Variants in CNTNAP5 observed in about 807,000 individuals in gnomAD.
CNTNAP5 encodes the protein contactin-associated protein-like 5.
Under a neutral mutation model 150.2 loss-of-function variants are expected in CNTNAP5, and 72 were observed. The ratio of observed to expected loss-of-function variants is 0.48; its 90% CI spans 0.40 to 0.58. The LOEUF is 0.58. Ranked by LOEUF, CNTNAP5 falls within the 20% of genes least tolerant of loss-of-function variation. The probability of loss-of-function intolerance (pLI) is 0.00; values close to 1 mark genes in which losing one functional copy is unlikely to be tolerated. For missense variants in CNTNAP5, 1,636 were observed against 1,626.2 expected, an observed-to-expected ratio of 1.01 and a Z score of -0.10; for synonymous variants, 672 against 619.8, an observed-to-expected ratio of 1.08 and a Z score of -1.25.
chr2:124,217,772 T>A (rs1486277290), intron 1 of CNTNAP5, among the ~76,000 whole-genome samples: 1 of 152,216 alleles, frequency 6.6e-6, no homozygotes, highest in Non-Finnish European at 1.5e-5. Flanking sequence ...ATTCATATAC[T>A]GCTTCCTATT....
intron 3 of CNTNAP5, among the ~76,000 whole-genome samples, chr2:124,320,684 A>C (rs780459300): frequency 6.6e-6 from 1 of 152,230 alleles, no homozygotes; most frequent in Non-Finnish European, 1.5e-5. Flanking sequence ...AAGGAAAAAA[A>C]AAATACTTTC....
At chr2:124,638,354 T>C (rs1347801131) in intron 12 of CNTNAP5, among the ~76,000 whole-genome samples, 3 of 152,068 alleles carry the variant, frequency 2.0e-5, no homozygotes, top group Non-Finnish European at 4.4e-5. Flanking sequence ...ATCACATCAA[T>C]AACAATGTAA....
At chr2:124,592,697 T>G (rs1019947389) in intron 11 of CNTNAP5, among the ~76,000 whole-genome samples, 1 of 151,918 alleles carries the variant, frequency 6.6e-6, no homozygotes, top group Non-Finnish European at 1.5e-5. Context: ...CATTAGCACT[T>G]ATTTTTCTAT....
intron 3 of CNTNAP5, among the ~76,000 whole-genome samples, chr2:124,393,676 C>A (rs912659011): frequency 2.6e-5 from 4 of 152,124 alleles, no homozygotes; most frequent in African/African-American, 9.7e-5. Flanking sequence ...TCCTGCACCC[C>A]AAAACCATGG....
chr2:124,116,230 G>T (rs2104711103), intron 1 of CNTNAP5, among the ~76,000 whole-genome samples: 1 of 152,280 alleles, frequency 6.6e-6, no homozygotes, highest in Admixed American at 6.5e-5. Context: ...CTCCCACTTA[G>T]TACAGAGATA....
chr2:124,915,101 A>T lies in CNTNAP5; in HGVS notation c.*813A>T, dbSNP rs1172685710. The T allele has an allele frequency of 1.2e-5, 2 of 163,964 alleles. No homozygotes were observed. Among genetic ancestry groups the T allele is most frequent in the East Asian group, 2.0e-4 (1 of 5,116 alleles). 10.2% of individuals were successfully genotyped at this position (163,964 alleles called of 1,614,324 possible). On this transcript the variant is annotated 3_prime_UTR_variant, in exon 24 of 24. Transcript: ENST00000682447. ...CCTCCTCCAATTTTGTAAGAATGCT[A>T]GCTAGGTATTCCTGGGATTATTATA...
At chr2:124,820,274 A>T (rs543212515) in intron 19 of CNTNAP5, among the ~76,000 whole-genome samples, 1 of 152,276 alleles carries the variant, frequency 6.6e-6, no homozygotes, top group East Asian at 1.9e-4. Context: ...TCATCATAAT[A>T]ATTGGGGATT....
chr2:124,821,924 A>T (rs1248876356), intron 19 of CNTNAP5, among the ~76,000 whole-genome samples: 1 of 152,186 alleles, frequency 6.6e-6, no homozygotes, highest in Non-Finnish European at 1.5e-5. Flanking sequence ...AGACTGCAAC[A>T]CCATGGTGAG....
At chr2:124,464,710 T>C (rs1010927759) in intron 6 of CNTNAP5, among the ~76,000 whole-genome samples, 2 of 152,174 alleles carry the variant, frequency 1.3e-5, no homozygotes, top group African/African-American at 4.8e-5. Context: ...TTTTTAAAAA[T>C]CAGGAGATTT....
At chr2:124,346,535 C>A (rs1022221278) in intron 3 of CNTNAP5, among the ~76,000 whole-genome samples, 2 of 152,016 alleles carry the variant, frequency 1.3e-5, no homozygotes, top group African/African-American at 4.8e-5. Flanking sequence ...TAATTCATAA[C>A]GTGTTAGAAT....
At chr2:124,126,943 A>C (rs1228503240) in intron 1 of CNTNAP5, among the ~76,000 whole-genome samples, 1 of 152,216 alleles carries the variant, frequency 6.6e-6, no homozygotes, top group East Asian at 1.9e-4. Flanking sequence ...ACAAACCCAC[A>C]GCCAATATCA....
chr2:124,205,818 T>C (rs574647318), intron 1 of CNTNAP5, among the ~76,000 whole-genome samples: 1 of 152,350 alleles, frequency 6.6e-6, no homozygotes, highest in Admixed American at 6.5e-5. Flanking sequence ...GCCTCCTTTT[T>C]TTCTCAGCCT....
intron 19 of CNTNAP5, among the ~76,000 whole-genome samples, chr2:124,819,873 T>A (rs1372168508): frequency 6.6e-6 from 1 of 152,234 alleles, no homozygotes; most frequent in Non-Finnish European, 1.5e-5. Flanking sequence ...ACTGTGTGTC[T>A]CTTTCTTAAA....
intron 7 of CNTNAP5, among the ~76,000 whole-genome samples, chr2:124,488,626 AT>A (rs1693946980): frequency 6.6e-6 from 1 of 152,248 alleles, no homozygotes; most frequent in African/African-American, 2.4e-5. Flanking sequence ...AAGTGAATGC[AT>A]TTTTAATAAG....
At chr2:124,756,820 G>T (rs1439510850) in intron 14 of CNTNAP5, among the ~76,000 whole-genome samples, 1 of 152,058 alleles carries the variant, frequency 6.6e-6, no homozygotes. Context: ...ACTGGATGCT[G>T]GGCTTAAAAA....
intron 10 of CNTNAP5, among the ~76,000 whole-genome samples, chr2:124,560,640 G>A (rs1046184014): frequency 2.6e-5 from 4 of 151,834 alleles, no homozygotes; most frequent in African/African-American, 4.8e-5. Context: ...ATCCCAGCTC[G>A]GACTATCCTA....
intron 6 of CNTNAP5, among the ~76,000 whole-genome samples, chr2:124,453,573 C>G (rs1693041600): frequency 1.3e-5 from 2 of 152,170 alleles, no homozygotes; most frequent in African/African-American, 4.8e-5. Context: ...TGCCTAGACA[C>G]ATTGTCAGCA....
intron 1 of CNTNAP5, among the ~76,000 whole-genome samples, chr2:124,161,454 A>C (rs1037014498): frequency 6.6e-6 from 1 of 152,180 alleles, no homozygotes; most frequent in African/African-American, 2.4e-5. Flanking sequence ...GGCCCATGCA[A>C]ACCCAAGCAC....
chr2:124,901,165 A>T (rs78165700), intron 21 of CNTNAP5, among the ~76,000 whole-genome samples: 1 of 151,596 alleles, frequency 6.6e-6, no homozygotes, highest in South Asian at 2.1e-4. Flanking sequence ...GATTTTCATT[A>T]TCATTTTTGG....
Sources: allele counts gnomAD v4.1 joint callset (sites outside exome capture counted in the v4.1 genomes callset), GRCh38; gene constraint gnomAD v4.1.1; transcripts MANE v1.5; gene names NCBI Gene and HGNC (gene_info 2026-07-23, HGNC 2026-07-21).